C16orf46: variants seen among roughly 807,000 people sequenced by gnomAD.
The protein encoded by C16orf46 is uncharacterized protein C16orf46.
Under a neutral mutation model 5.5 loss-of-function variants are expected in C16orf46, and 7 were observed. The ratio of observed to expected loss-of-function variants is 1.28; its 90% CI spans 0.73 to 2.40. C16orf46 has a LOEUF of 2.40. Ranked by LOEUF, C16orf46 falls within the 30% of genes most tolerant of loss-of-function variation. The pLI is 0.00. For missense variants in C16orf46, 614 were observed against 476.0 expected, an observed-to-expected ratio of 1.29 and a Z score of -2.70; for synonymous variants, 200 against 184.1, an observed-to-expected ratio of 1.09 and a Z score of -0.70.
intron 1 of C16orf46, among the ~76,000 whole-genome samples, chr16:81,068,990 C>T (rs926936166): frequency 6.6e-6 from 1 of 152,148 alleles, no homozygotes; most frequent in Non-Finnish European, 1.5e-5. Context: ...AAACGTAAGC[C>T]ACCGTGCCTG....
intron 3 of C16orf46, chr16:81,055,398 T>G (rs1044427317): frequency 6.6e-6 from 1 of 152,142 alleles, no homozygotes; most frequent in Non-Finnish European, 1.5e-5. Context: ...CAAGTTTTAA[T>G]AAGTGGTAAA....
rs762210126 is a variant in C16orf46, at chr16:81,061,590, A to T, written c.759T>A (p.Tyr253Ter). The change falls in exon 4 of 4, where the codon TAT becomes TAA. Residue 253 changes from tyrosine to a stop codon, truncating the protein, a stop_gained. Coordinates refer to ENST00000299578, the MANE Select transcript of C16orf46 (RefSeq NM_152337.3). LOFTEE classifies it low-confidence loss of function (END_TRUNC). The part of the protein sequence containing the change: ...VEKDGCVAYA[Y>*]GLKTADGKGE... ...CTTTCCCATCTGCTGTTTTCAAGCCATATGCATAAGCCACACACCCATCCT... is the reference window on the plus strand; with the variant it reads ...CTTTCCCATCTGCTGTTTTCAAGCCTTATGCATAAGCCACACACCCATCCT... The T allele has an allele frequency of 6.2e-7, 1 of 1,614,220 alleles. No individual in the cohort carries two copies. Among genetic ancestry groups the T allele is most frequent in the Non-Finnish European group, 8.5e-7 (1 of 1,180,032 alleles).
downstream of C16orf46, chr16:81,057,843 AC>A (rs1971347028): frequency 6.5e-6 from 1 of 153,514 alleles, no homozygotes; most frequent in Non-Finnish European, 1.4e-5. Context: ...CATCCTGGCT[AC>A]CACGGTGAAA....
At chr16:81,072,328 C>CAAAAAAAAAAAAAAAA (rs34242284) in intron 1 of C16orf46, 1 of 102,830 alleles carries the variant, frequency 9.7e-6, no homozygotes, top group African/African-American at 3.4e-5. Flanking sequence ...ATACCTGATG[C>CAAAAAAAAAAAAAAAA]AAAAAAAAAA....
chr16:81,064,331 C>A (rs150332770), intron 2 of C16orf46, among the ~76,000 whole-genome samples: 1 of 149,438 alleles, frequency 6.7e-6, no homozygotes, highest in South Asian at 2.1e-4. Flanking sequence ...CCACTGCACT[C>A]CAGCCTGGGT....
chr16:81,074,860 C>G (rs1275542558), intron 1 of C16orf46, among the ~76,000 whole-genome samples: 1 of 152,048 alleles, frequency 6.6e-6, no homozygotes, highest in South Asian at 2.1e-4. Context: ...CCAAATGCAT[C>G]AGATCCTTGT....
exon 4 of C16orf46, chr16:81,053,801 C>G: frequency 2.8e-6 from 1 of 358,894 alleles, no homozygotes; most frequent in Non-Finnish European, 5.0e-6. Context: ...TTGTTATTTT[C>G]AAAAGTACAT....
At chr16:81,060,837 T>G (rs1386969266), downstream of C16orf46, 3 of 371,634 alleles carry the variant, frequency 8.1e-6, no homozygotes, top group African/African-American at 2.1e-5. Context: ...CCCCACTTTC[T>G]GCGTGGCTTC....
intron 1 of C16orf46, chr16:81,076,877 A>C (rs1313876254): frequency 6.6e-6 from 1 of 152,234 alleles, no homozygotes; most frequent in African/African-American, 2.4e-5. Context: ...CCCATTCAGA[A>C]AAGCGTTCTG....
intron 1 of C16orf46, among the ~76,000 whole-genome samples, chr16:81,076,057 G>C (rs1041002154): frequency 6.6e-6 from 1 of 152,160 alleles, no homozygotes; most frequent in Non-Finnish European, 1.5e-5. Flanking sequence ...GCCTCATTTG[G>C]AATTTGAATG....
At chr16:81,066,471 C>G (rs550811107) in intron 1 of C16orf46, among the ~76,000 whole-genome samples, 190 bp from the exon 2 acceptor site, 2 of 152,296 alleles carry the variant, frequency 1.3e-5, no homozygotes, top group East Asian at 1.9e-4. Context: ...TCCCAGGTAG[C>G]TAAGACTACA....
rs1472541536 is a variant in C16orf46 at position 81,062,056 on chromosome 16, G to T, written c.293C>A (p.Ala98Asp). The change falls in exon 4 of 4, where the codon GCC (alanine) becomes GAC (aspartate). Residue 98 changes from alanine (A) to aspartate (D), a missense_variant. Ala to Asp is a moderately radical substitution (Grantham distance 126, BLOSUM62 -2). Coordinates refer to ENST00000299578, the MANE Select transcript of C16orf46 (RefSeq NM_152337.3). ...IPKKARVGEG[A>D]CSDCLVCVNL... ...AACACACACCAAGCAGTCGCTGCAG[G>T]CACCTTCCCCTACCCTCGCCTTTTT... 6.2e-7 allele frequency: 1 copy of T among 1,612,902 alleles called. No homozygotes were observed. The highest frequency in any genetic ancestry group is 8.5e-7 in the Non-Finnish European group (1 of 1,179,992).
chr16:81,060,995 T>C lies in C16orf46; in HGVS notation c.*166A>G, dbSNP rs1460309349. 7.2e-7 allele frequency: 1 copy of C among 1,392,652 alleles called. No homozygotes were observed. Among genetic ancestry groups the C allele is most frequent in the Non-Finnish European group, 9.3e-7 (1 of 1,077,204 alleles). The allele number at this position is 1,392,652 out of a possible 1,614,324, so 86.3% of individuals were successfully genotyped here. A position where few individuals can be genotyped will look rare whatever the true frequency, so the allele number is the denominator to read the frequency against. The stretch of plus-strand genomic sequence containing the variant: ...AACAATCCACTGAGGTTCAGTTTTC[T>C]TCAGTTGTACTACAAAAAAAAAATG... On this transcript the variant is annotated 3_prime_UTR_variant, in exon 4 of 4. Coordinates refer to ENST00000299578, the MANE Select transcript of C16orf46 (RefSeq NM_152337.3).
At chr16:81,059,049 G>A (rs1002519059), downstream of C16orf46, among the ~76,000 whole-genome samples, 1 of 151,978 alleles carries the variant, frequency 6.6e-6, no homozygotes, top group Non-Finnish European at 1.5e-5. Flanking sequence ...AAGAGGACTT[G>A]GATTCTTATT....
chr16:81,071,833 G>T (rs1971864309), intron 1 of C16orf46, among the ~76,000 whole-genome samples: 1 of 152,196 alleles, frequency 6.6e-6, no homozygotes, highest in African/African-American at 2.4e-5. Context: ...ATGCAGGAAG[G>T]TGAGGAACGT....
At position 81,061,214 on chromosome 16, in the gene C16orf46, A is replaced by C; in HGVS notation, c.1135T>G (p.Ser379Ala). Residue 379 changes from serine (S) to alanine (A), a missense_variant, in exon 4 of 4, where the codon TCT becomes GCT. Physicochemically the swap from Ser to Ala is moderately conservative, Grantham distance 99 (BLOSUM62 1). Transcript: ENST00000299578. ...ATGATAACTCTGCTCACTGTGAGAGACGGCAAGACAGGTCTTGGGAAAACT... is the reference window on the plus strand; with the variant it reads ...ATGATAACTCTGCTCACTGTGAGAGCCGGCAAGACAGGTCTTGGGAAAACT... Reference protein sequence around the residue: ...TKVFPRPVLPSLTVSRVIIPV... With the variant: ...TKVFPRPVLPALTVSRVIIPV... 1 of 1,613,980 alleles carries C rather than the reference A, an allele frequency of 6.2e-7. No homozygotes were observed. Among genetic ancestry groups the C allele is most frequent in the Non-Finnish European group, 8.5e-7 (1 of 1,179,958 alleles).
intron 1 of C16orf46, among the ~76,000 whole-genome samples, chr16:81,066,766 T>C (rs1024823810): frequency 1.3e-5 from 2 of 152,200 alleles, no homozygotes; most frequent in African/African-American, 4.8e-5. Context: ...TTGGCTTCCA[T>C]TGAACTTTAC....
rs755823631 is a variant in C16orf46, at chr16:81,061,513, G to A, written c.836C>T (p.Pro279Leu). 6.2e-7 allele frequency: 1 copy of A among 1,614,148 alleles called. No individual in the cohort carries two copies. Among genetic ancestry groups the A allele is most frequent in the East Asian group, 2.2e-5 (1 of 44,874 alleles). ...LAKHPMVNDT[P>L]SSPSPAAQIS... ...CTGGGCCGCTGGGGAAGGGGAGGAT[G>A]GCGTGTCGTTGACCATAGGGTGTTT... is the stretch of plus-strand genomic sequence containing the variant. The change falls in exon 4 of 4, where the codon CCA becomes CTA. Residue 279 changes from proline to leucine, a missense_variant. Coordinates refer to ENST00000299578, the MANE Select transcript of C16orf46 (RefSeq NM_152337.3).
intron 1 of C16orf46, among the ~76,000 whole-genome samples, chr16:81,069,542 C>G (rs920324012): frequency 6.6e-6 from 1 of 151,888 alleles, no homozygotes; most frequent in Admixed American, 6.6e-5. Flanking sequence ...CAGACATTGC[C>G]TCACTTTAAG....
Sources: allele counts gnomAD v4.1 joint callset (sites outside exome capture counted in the v4.1 genomes callset), GRCh38; gene constraint gnomAD v4.1.1; transcripts MANE v1.5; gene names NCBI Gene and HGNC (gene_info 2026-07-23, HGNC 2026-07-21).